DLC1: variants seen among roughly 807,000 people sequenced by gnomAD.
DLC1 encodes DLC1 Rho GTPase activating protein, also known as rho GTPase-activating protein 7.
DLC1 carries 54 observed loss-of-function variants against 140.3 expected under a neutral mutation model. That is an observed-to-expected ratio of 0.38 (90% confidence interval 0.31 to 0.48). DLC1 has a LOEUF of 0.48. DLC1 is among the 20% of genes least tolerant of loss of function. The pLI is 0.96. For missense variants in DLC1, 2,536 were observed against 1,907.0 expected (o/e 1.33, Z -6.14); for synonymous variants, 986 against 728.1 (o/e 1.35, Z -5.70).
chr8:13,570,305 T>A (rs1262782902), intron 1 of DLC1, among the ~76,000 whole-genome samples: 1 of 151,756 alleles, frequency 6.6e-6, no homozygotes, highest in Non-Finnish European at 1.5e-5. Flanking sequence ...TTTTTTTTTT[T>A]TTATTATACT....
At chr8:13,581,651 C>T (rs1392025308) in intron 1 of DLC1, among the ~76,000 whole-genome samples, 1 of 152,200 alleles carries the variant, frequency 6.6e-6, no homozygotes, top group African/African-American at 2.4e-5. Flanking sequence ...TTCTGTTCAT[C>T]ACCCTGTAAT....
At chr8:13,271,448 C>G (rs1044007039) in intron 5 of DLC1, among the ~76,000 whole-genome samples, 1 of 152,182 alleles carries the variant, frequency 6.6e-6, no homozygotes, top group South Asian at 2.1e-4. Flanking sequence ...GTCCAGCACT[C>G]ATTTTGCTAG....
intron 1 of DLC1, among the ~76,000 whole-genome samples, chr8:13,576,409 A>T (rs1325104840): frequency 6.6e-6 from 1 of 152,186 alleles, no homozygotes; most frequent in Non-Finnish European, 1.5e-5. Flanking sequence ...TCCAGAAGGA[A>T]CAATTTGCAA....
intron 5 of DLC1, among the ~76,000 whole-genome samples, chr8:13,136,021 C>G (rs1341847460): frequency 6.6e-6 from 1 of 152,196 alleles, no homozygotes; most frequent in Non-Finnish European, 1.5e-5. Context: ...ATTGACACAG[C>G]CTGTGACAAG....
intron 5 of DLC1, among the ~76,000 whole-genome samples, chr8:13,250,625 GA>G (rs1829963305): frequency 6.6e-6 from 1 of 152,072 alleles, no homozygotes; most frequent in South Asian, 2.1e-4. Flanking sequence ...GCTTTAAGTT[GA>G]ATAAATTTAA....
At chr8:13,272,546 G>T (rs1830979293) in intron 5 of DLC1, among the ~76,000 whole-genome samples, 1 of 152,062 alleles carries the variant, frequency 6.6e-6, no homozygotes, top group African/African-American at 2.4e-5. Context: ...TTACAACAGT[G>T]TGCACACAAT....
At chr8:13,522,545 A>G (rs1802797714) in intron 1 of DLC1, among the ~76,000 whole-genome samples, 1 of 152,096 alleles carries the variant, frequency 6.6e-6, no homozygotes, top group Admixed American at 6.6e-5. Flanking sequence ...GAATCGCTTG[A>G]ACCCAGGAGA....
At chr8:13,603,036 C>T (rs1416655788) in intron 1 of DLC1, among the ~76,000 whole-genome samples, 2 of 151,756 alleles carry the variant, frequency 1.3e-5, no homozygotes, top group Non-Finnish European at 2.9e-5. Flanking sequence ...ACTTAGATAA[C>T]CCAACTGTTG....
intron 2 of DLC1, among the ~76,000 whole-genome samples, chr8:13,436,181 C>G (rs1282485823): frequency 6.6e-6 from 1 of 152,172 alleles, no homozygotes; most frequent in Non-Finnish European, 1.5e-5. Context: ...GGAATGGAAC[C>G]TATAATATCT....
intron 4 of DLC1, among the ~76,000 whole-genome samples, chr8:13,361,407 A>G (rs897137553): frequency 6.6e-6 from 1 of 150,976 alleles, no homozygotes; most frequent in African/African-American, 2.4e-5. Context: ...GGGGCATGCT[A>G]ACATGCTCTG....
At chr8:13,363,219 T>G (rs1378219764) in intron 4 of DLC1, among the ~76,000 whole-genome samples, 1 of 152,192 alleles carries the variant, frequency 6.6e-6, no homozygotes, top group Non-Finnish European at 1.5e-5. Context: ...TTGGATTTCT[T>G]TGTAGTTTGT....
rs1323904352 is a variant in DLC1 at position 13,499,838 on chromosome 8, C to A, written c.234G>T (p.Met78Ile). The A allele has an allele frequency of 3.7e-6, 6 of 1,614,064 alleles. No individual in the cohort carries two copies. Among genetic ancestry groups the A allele is most frequent in the Non-Finnish European group, 5.1e-6 (6 of 1,180,002 alleles). ...CGTCCACATCCTTTGAAAGATGACC[C>A]ATTGGCCTCCCAGGAAAATCTCTCA... ...SELRDFPGRP[M>I]GHLSKDVDEN... The change falls in exon 2 of 18, where the codon ATG (methionine) becomes ATT (isoleucine). Residue 78 changes from methionine to isoleucine, a missense_variant. By Grantham distance (10) the Met-to-Ile change is conservative. Coordinates refer to ENST00000276297, the MANE Select transcript of DLC1 (RefSeq NM_182643.3).
intron 5 of DLC1, among the ~76,000 whole-genome samples, chr8:13,287,467 C>T (rs1831572943): frequency 6.6e-6 from 1 of 152,000 alleles, no homozygotes; most frequent in Non-Finnish European, 1.5e-5. Context: ...TTGGAAAACC[C>T]TGCTCTGAAG....
chr8:13,138,535 T>C (rs570391518), intron 5 of DLC1, among the ~76,000 whole-genome samples: 16 of 152,366 alleles, frequency 1.1e-4, no homozygotes, highest in African/African-American at 3.6e-4. Context: ...TGGAAAATGT[T>C]ATAATTTGTG....
chr8:13,242,608 A>T (rs1010639398), intron 5 of DLC1, among the ~76,000 whole-genome samples: 4 of 151,986 alleles, frequency 2.6e-5, no homozygotes, highest in Non-Finnish European at 4.4e-5. Context: ...GCCCAGGCTG[A>T]TCTTGAACTC....
intron 4 of DLC1, among the ~76,000 whole-genome samples, chr8:13,315,209 G>A (rs187615251): frequency 6.6e-5 from 10 of 152,292 alleles, no homozygotes; most frequent in East Asian, 1.9e-4. Context: ...GAGCCCAGGC[G>A]TTCGAGACCA....
chr8:13,591,402 T>A (rs927267394), intron 1 of DLC1, among the ~76,000 whole-genome samples: 1 of 152,096 alleles, frequency 6.6e-6, no homozygotes, highest in African/African-American at 2.4e-5. Flanking sequence ...CTGATGGTTT[T>A]ACAAGCATCT....
At chr8:13,398,605 C>CAAAAAAAAAAAA (rs55898759) in intron 3 of DLC1, among the ~76,000 whole-genome samples, 1 of 113,120 alleles carries the variant, frequency 8.8e-6, no homozygotes. Context: ...CCATCTCTAC[C>CAAAAAAAAAAAA]AAAAAAAAAA....
At chr8:13,394,190 G>T (rs928765712) in intron 3 of DLC1, among the ~76,000 whole-genome samples, 1 of 152,176 alleles carries the variant, frequency 6.6e-6, no homozygotes, top group African/African-American at 2.4e-5. Flanking sequence ...AGCTATTACG[G>T]TGGCCTGGAA....
Sources: allele counts gnomAD v4.1 joint callset (sites outside exome capture counted in the v4.1 genomes callset), GRCh38; gene constraint gnomAD v4.1.1; transcripts MANE v1.5; gene names NCBI Gene and HGNC (gene_info 2026-07-23, HGNC 2026-07-21).